Variants in DIS3L2 observed in about 807,000 individuals in gnomAD.
DIS3L2 encodes DIS3 like 3'-5' exoribonuclease 2.
A neutral mutation model predicts 97.5 loss-of-function variants in DIS3L2; 34 were observed. The observed-to-expected ratio is 0.35, with a 90% CI of 0.27 to 0.46. DIS3L2 has a LOEUF of 0.46. Among genes scored for constraint, DIS3L2 ranks in the 20% least tolerant of loss-of-function variants. The pLI is 1.00. For missense variants in DIS3L2, 1,038 were observed against 1,146.0 expected (o/e 0.91, Z 1.36); for synonymous variants, 435 against 445.2 (o/e 0.98, Z 0.29).
intron 13 of DIS3L2, among the ~76,000 whole-genome samples, chr2:232,296,193 A>AACAAGT (rs1694722341): frequency 6.6e-6 from 1 of 152,220 alleles, no homozygotes; most frequent in African/African-American, 2.4e-5. Flanking sequence ...AGCCTGAGCC[A>AACAAGT]GAGAATCCTG....
At chr2:232,046,525 A>G (rs1283328610) in intron 5 of DIS3L2, among the ~76,000 whole-genome samples, 1 of 152,204 alleles carries the variant, frequency 6.6e-6, no homozygotes. Context: ...TGACATTATT[A>G]TAGCTGGTCC....
intron 14 of DIS3L2, chr2:232,328,651 G>A (rs188505688): frequency 2.2e-4 from 33 of 152,384 alleles, no homozygotes; most frequent in African/African-American, 7.7e-4. Context: ...CTCACTCAAG[G>A]GGAAAGCTCA....
chr2:232,039,944 C>T (rs768672022), intron 5 of DIS3L2, among the ~76,000 whole-genome samples: 5 of 152,224 alleles, frequency 3.3e-5, no homozygotes, highest in Non-Finnish European at 5.9e-5. Context: ...TACCATTCAT[C>T]CTGCCCTGTG....
At chr2:232,334,227 G>A (rs1445572775) in intron 17 of DIS3L2, 142 bp from the exon 18 acceptor site, 3 of 1,255,200 alleles carry the variant, frequency 2.4e-6, no homozygotes, top group African/African-American at 3.0e-5. Context: ...ACCTCGAAGG[G>A]CCGCTTTCTG....
rs145401796 is a variant in DIS3L2, at chr2:232,203,095, C to T, written c.1125-7231C>T. Among the ~76,000 whole-genome samples the T allele has an allele frequency of 1.6e-4, 25 of 152,358 alleles. No individual in the cohort carries two copies. The East Asian group carries it at 4.6e-3, about 28-fold the overall frequency. On this transcript the variant is annotated intron_variant, in intron 9 of 20. Transcript: ENST00000325385. ...AGCTCTTCAGTTGTTTTTCCTTCTACAGTTTACATAAAATTTGCTGATTTC... is the reference window on the plus strand; with the variant it reads ...AGCTCTTCAGTTGTTTTTCCTTCTATAGTTTACATAAAATTTGCTGATTTC...
intron 5 of DIS3L2, among the ~76,000 whole-genome samples, chr2:232,071,072 G>A (rs765112226): frequency 6.6e-6 from 1 of 152,100 alleles, no homozygotes; most frequent in African/African-American, 2.4e-5. Flanking sequence ...GCTCCTTAAC[G>A]GGTGCTGATT....
At chr2:232,263,182 C>G in intron 12 of DIS3L2, 25 bp from the exon 13 acceptor site, 1 of 1,609,440 alleles carries the variant, frequency 6.2e-7, no homozygotes. Flanking sequence ...CTCACAATTC[C>G]CTTGTAATCT....
At chr2:232,310,884 A>G (rs1405779302) in intron 14 of DIS3L2, among the ~76,000 whole-genome samples, 1 of 152,256 alleles carries the variant, frequency 6.6e-6, no homozygotes, top group Non-Finnish European at 1.5e-5. Context: ...CTCTGGAGTC[A>G]CAGTCACCCA....
chr2:232,340,782 C>G (rs573305409), downstream of DIS3L2: 3 of 471,398 alleles, frequency 6.4e-6, no homozygotes, highest in East Asian at 2.1e-4. Flanking sequence ...AGGCCACCCT[C>G]CAGAGCATCT....
intron 1 of DIS3L2, among the ~76,000 whole-genome samples, chr2:231,964,763 T>C (rs984408065): frequency 1.3e-5 from 2 of 152,210 alleles, no homozygotes; most frequent in Non-Finnish European, 2.9e-5. Flanking sequence ...AAAAGAAAAG[T>C]GCACACATGA....
chr2:232,324,016 A>G (rs1466648299), intron 14 of DIS3L2, among the ~76,000 whole-genome samples: 5 of 152,100 alleles, frequency 3.3e-5, no homozygotes, highest in African/African-American at 1.2e-4. Context: ...AGTGCTCCGT[A>G]GACCCCTGCC....
intron 11 of DIS3L2, among the ~76,000 whole-genome samples, chr2:232,240,671 C>T (rs1360880885): frequency 2.0e-5 from 3 of 152,104 alleles, no homozygotes; most frequent in Non-Finnish European, 4.4e-5. Context: ...CTTTGCCCCC[C>T]GACCCCTCAC....
intron 9 of DIS3L2, among the ~76,000 whole-genome samples, chr2:232,169,101 T>C (rs778200775): frequency 6.6e-5 from 10 of 152,108 alleles, no homozygotes; most frequent in Non-Finnish European, 1.3e-4. Context: ...GGTGCAAGTG[T>C]TTGTGATCAT....
chr2:232,048,864 T>C (rs1695321378), intron 5 of DIS3L2, among the ~76,000 whole-genome samples: 1 of 152,266 alleles, frequency 6.6e-6, no homozygotes, highest in Non-Finnish European at 1.5e-5. Flanking sequence ...TTACCTAATG[T>C]AAATACTATT....
At chr2:232,106,092 C>T (rs1214381969) in intron 6 of DIS3L2, among the ~76,000 whole-genome samples, 1 of 152,186 alleles carries the variant, frequency 6.6e-6, no homozygotes, top group Non-Finnish European at 1.5e-5. Flanking sequence ...TCTTTCTTCC[C>T]AGTCCATCTA....
At chr2:232,270,650 G>C (rs1406327796) in intron 13 of DIS3L2, among the ~76,000 whole-genome samples, 1 of 152,066 alleles carries the variant, frequency 6.6e-6, no homozygotes, top group African/African-American at 2.4e-5. Flanking sequence ...TATTTTCTTA[G>C]GACAGTCTTA....
intron 1 of DIS3L2, among the ~76,000 whole-genome samples, chr2:231,973,724 C>G (rs1692990266): frequency 6.6e-6 from 1 of 152,126 alleles, no homozygotes; most frequent in Non-Finnish European, 1.5e-5. Context: ...TTATTACAAG[C>G]TGCAACTCGG....
At chr2:232,340,919 C>A (rs892875707), downstream of DIS3L2, 1 of 470,974 alleles carries the variant, frequency 2.1e-6, no homozygotes, top group African/African-American at 2.0e-5. Flanking sequence ...CCGTGGGGAA[C>A]ACAGACCATA....
chr2:232,317,272 T>G (rs1477235816), intron 14 of DIS3L2, among the ~76,000 whole-genome samples: 4 of 152,162 alleles, frequency 2.6e-5, no homozygotes, highest in African/African-American at 9.7e-5. Flanking sequence ...TTGATCTGAT[T>G]CCCTGTGCCC....
Sources: gnomAD v4.1 joint callset for allele counts (sites outside exome capture counted in the v4.1 genomes callset) on GRCh38, gnomAD v4.1.1 for gene constraint, MANE v1.5 for transcripts, NCBI Gene and HGNC (gene_info 2026-07-23, HGNC 2026-07-21) for gene names.